The following SOX5 variants were observed in gnomAD, a reference collection of about 807,000 sequenced individuals.
SOX5 encodes the protein SRY-box transcription factor 5.
A neutral mutation model predicts 92.0 loss-of-function variants in SOX5; 9 were observed. That is an observed-to-expected ratio of 0.10 (90% confidence interval 0.06 to 0.17). The LOEUF is 0.17. SOX5 is among the 10% of genes least tolerant of loss of function. SOX5 has a pLI of 1.00. For missense variants in SOX5, 642 were observed against 944.5 expected (o/e 0.68, Z 4.20); for synonymous variants, 344 against 336.3 (o/e 1.02, Z -0.25).
At chr12:23,908,054 A>G (rs2097312084) in intron 1 of SOX5, among the ~76,000 whole-genome samples, 1 of 152,144 alleles carries the variant, frequency 6.6e-6, no homozygotes, top group African/African-American at 2.4e-5. Context: ...CTAAATAAAT[A>G]GCGAATTGTT....
chr12:23,713,334 G>C (rs1408773934), intron 6 of SOX5, among the ~76,000 whole-genome samples: 1 of 152,164 alleles, frequency 6.6e-6, no homozygotes, highest in Non-Finnish European at 1.5e-5. Flanking sequence ...CCATAATTGT[G>C]AGGGAATAAA....
chr12:24,146,538 C>G (rs1446078914), intron 4 of SOX5, among the ~76,000 whole-genome samples: 1 of 151,728 alleles, frequency 6.6e-6, no homozygotes, highest in Non-Finnish European at 1.5e-5. Flanking sequence ...TTAAAAATGT[C>G]TCAAACCCAT....
rs538672644 is a variant in SOX5 at position 24,246,212 on chromosome 12, T to C, written c.-77+31004A>G. Among the ~76,000 whole-genome samples, 14 of 152,324 alleles carry C rather than the reference T, an allele frequency of 9.2e-5. No individual in the cohort carries two copies. The East Asian group carries it at 2.7e-3, about 29-fold the overall frequency. ...AGTTGTCACATCACATTGACTATTTTACAAATTGCTTGCTTCAGTTTTTTG... is the reference window on the plus strand; with the variant it reads ...AGTTGTCACATCACATTGACTATTTCACAAATTGCTTGCTTCAGTTTTTTG... On this transcript the variant is annotated intron_variant, in intron 3 of 4. Coordinates refer to the SOX5 transcript ENST00000446891.
chr12:23,898,771 A>G (rs1431898988), intron 1 of SOX5, among the ~76,000 whole-genome samples: 2 of 152,234 alleles, frequency 1.3e-5, no homozygotes, highest in African/African-American at 4.8e-5. Flanking sequence ...CACATATTTC[A>G]TACTTATTTC....
At chr12:24,096,847 AGTGT>A (rs777075313) in intron 4 of SOX5, among the ~76,000 whole-genome samples, 8 of 152,050 alleles carry the variant, frequency 5.3e-5, no homozygotes, top group Admixed American at 2.0e-4. Flanking sequence ...CTTGTACAAA[AGTGT>A]GTGTGTCTGT....
chr12:23,791,271 T>C (rs1026142970), intron 3 of SOX5, among the ~76,000 whole-genome samples: 1 of 152,196 alleles, frequency 6.6e-6, no homozygotes, highest in Non-Finnish European at 1.5e-5. Context: ...TCCTGAACTA[T>C]GCAAGTGTGC....
Position 24,447,548 on chromosome 12 carries a change from A to T in SOX5, c.-250-78909T>A, listed in dbSNP as rs901950351. On this transcript the variant is annotated intron_variant, in intron 1 of 4. Coordinates refer to the SOX5 transcript ENST00000446891. ...ACACTACGGAAAAAAAACTAAAGAC[A>T]TCTAAATAAAGTAGAGTTGACTTAG... 4.6e-5 allele frequency among the ~76,000 whole-genome samples: 7 copies of T among 152,284 alleles called. No individual in the cohort carries two copies. The East Asian group carries it at 1.2e-3, about 25-fold the overall frequency.
chr12:24,166,477 CAG>C (rs988646825), intron 4 of SOX5, among the ~76,000 whole-genome samples: 13 of 152,198 alleles, frequency 8.5e-5, no homozygotes, highest in Admixed American at 4.6e-4. Flanking sequence ...ATACAAGAAA[CAG>C]TGAGAGAGAG....
At chr12:23,977,224 T>G (rs4391897) in intron 4 of SOX5, among the ~76,000 whole-genome samples, 118,737 of 152,094 alleles carry the variant, frequency 0.78, 46,559 homozygotes, top group East Asian at 0.95. Context: ...ACAGGAGAAG[T>G]TTCAGAGAGG....
intron 3 of SOX5, among the ~76,000 whole-genome samples, chr12:24,215,775 A>C (rs564434806): frequency 6.6e-6 from 1 of 152,106 alleles, no homozygotes; most frequent in South Asian, 2.1e-4. Flanking sequence ...ACATACAAAA[A>C]GTCCAAAATA....
rs538487148 is a variant in SOX5, at chr12:24,487,176, G to C, written c.-251+75153C>G. 3.3e-5 allele frequency among the ~76,000 whole-genome samples: 5 copies of C among 152,200 alleles called. No individual in the cohort carries two copies. The East Asian group carries it at 9.7e-4, about 29-fold the overall frequency. ...TTCTGATATGCTAAAATGAAAATTT[G>C]ATCAAAGAAGTTAATATAAAGCTTT... On this transcript the variant is annotated intron_variant, in intron 1 of 4. Transcript: ENST00000446891.
intron 3 of SOX5, among the ~76,000 whole-genome samples, chr12:23,793,512 C>A (rs1014441363): frequency 4.6e-5 from 7 of 152,088 alleles, no homozygotes; most frequent in Admixed American, 4.6e-4. Flanking sequence ...GAAGGAAAAA[C>A]AAATAAAACT....
intron 1 of SOX5, among the ~76,000 whole-genome samples, chr12:23,907,947 T>C (rs542250227): frequency 6.6e-6 from 1 of 152,302 alleles, no homozygotes; most frequent in South Asian, 2.1e-4. Flanking sequence ...GTACATATTT[T>C]GAGCATCTTC....
rs923572293 is a variant in SOX5 at position 24,393,471 on chromosome 12, A to T, written c.-250-24832T>A. On this transcript the variant is annotated intron_variant, in intron 1 of 4. Coordinates refer to the SOX5 transcript ENST00000446891. This position sits in a 1 kb window ranked among gnomAD's most constrained non-coding sequence, Gnocchi z 5.0. ...TTGGAGGATAATCAGCTTTAGGGTC[A>T]TCTGTACTGAGTCTACCACCCACCC... 6.6e-6 allele frequency among the ~76,000 whole-genome samples: 1 copy of T among 152,206 alleles called. No individual in the cohort carries two copies. Among genetic ancestry groups the T allele is most frequent in the Non-Finnish European group, 1.5e-5 (1 of 68,036 alleles).
At chr12:23,733,923 T>C (rs953339328) in intron 6 of SOX5, among the ~76,000 whole-genome samples, 35 of 152,160 alleles carry the variant, frequency 2.3e-4, no homozygotes, top group Admixed American at 2.3e-3. Context: ...TATTGAGCCC[T>C]GACACTATGC....
At chr12:24,366,714 T>C (rs1053178623) in intron 2 of SOX5, among the ~76,000 whole-genome samples, 3 of 152,134 alleles carry the variant, frequency 2.0e-5, no homozygotes, top group African/African-American at 7.2e-5. Context: ...TCCTATCTAG[T>C]GTAAATTCCC....
At chr12:23,938,606 T>C (rs183300515) in intron 1 of SOX5, among the ~76,000 whole-genome samples, 10 of 151,018 alleles carry the variant, frequency 6.6e-5, no homozygotes, top group Admixed American at 1.3e-4. Context: ...TCTTAAAGCA[T>C]AGGAATATGT....
intron 1 of SOX5, among the ~76,000 whole-genome samples, chr12:24,390,427 T>A (rs1228424613): frequency 6.6e-6 from 1 of 152,190 alleles, no homozygotes; most frequent in Non-Finnish European, 1.5e-5. Flanking sequence ...ATTTTTAGAT[T>A]ACATGTATAA....
intron 6 of SOX5, among the ~76,000 whole-genome samples, chr12:23,715,948 G>C (rs1290560591): frequency 6.6e-6 from 1 of 151,832 alleles, no homozygotes; most frequent in Non-Finnish European, 1.5e-5. Context: ...TTTGGGCTCA[G>C]ATTAAATATT....
Sources: gnomAD v4.1 joint callset for allele counts (sites outside exome capture counted in the v4.1 genomes callset) on GRCh38, gnomAD v4.1.1 for gene constraint, Gnocchi (gnomAD v3.1) non-coding constraint, MANE v1.5 for transcripts, NCBI Gene and HGNC (gene_info 2026-07-23, HGNC 2026-07-21) for gene names.